Variants in PRR16 observed in about 807,000 individuals in gnomAD.
The protein encoded by PRR16 is protein Largen.
In PRR16, 6 loss-of-function variants were observed where a neutral mutation model predicts 18.2. That is an observed-to-expected ratio of 0.33 (90% CI 0.18 to 0.65). PRR16 has a LOEUF of 0.65. Among genes scored for constraint, PRR16 ranks in the 30% least tolerant of loss-of-function variants. The pLI is 0.74. For synonymous variants in PRR16, 151 were observed against 147.8 expected, an observed-to-expected ratio of 1.02 and a Z score of -0.16; for missense variants, 412 against 376.6, an observed-to-expected ratio of 1.09 and a Z score of -0.78.
chr5:120,731,258 C>G, the PRR16 span, among the ~76,000 whole-genome samples: 1 of 152,058 alleles, frequency 6.6e-6, no homozygotes, highest in Non-Finnish European at 1.5e-5. Context: ...ATATGTAATT[C>G]TGGAATAGAG....
the PRR16 span, among the ~76,000 whole-genome samples, chr5:120,747,078 G>A: frequency 9.2e-5 from 14 of 152,286 alleles, no homozygotes; most frequent in Admixed American, 4.6e-4. Flanking sequence ...CGCTGTTGAA[G>A]AGAAAGTTCA....
intron 1 of PRR16, among the ~76,000 whole-genome samples, chr5:120,531,283 T>C (rs1473100709): frequency 1.3e-5 from 2 of 152,126 alleles, no homozygotes; most frequent in Admixed American, 1.3e-4. Context: ...GGTGGTAGTT[T>C]GATGGCAAAT....
chr5:120,674,781 T>G (rs1468768523), intron 1 of PRR16, among the ~76,000 whole-genome samples: 2 of 152,006 alleles, frequency 1.3e-5, no homozygotes, highest in African/African-American at 4.8e-5. Context: ...AATATTGATC[T>G]TTTTGCTCTA....
Position 120,510,043 on chromosome 5 carries a change from A to G in PRR16, c.159+45398A>G, listed in dbSNP as rs148319047. Reference sequence around the variant, plus strand: ...TTTACTAGCAAAAGAGGCTTTCAAAAAGAGCTAGTTTATGAAGAGTTAAAG... The same window carrying G: ...TTTACTAGCAAAAGAGGCTTTCAAAGAGAGCTAGTTTATGAAGAGTTAAAG... On this transcript the variant is annotated intron_variant, in intron 1 of 1. Coordinates refer to ENST00000407149, the MANE Select transcript of PRR16 (RefSeq NM_001300783.2). Among the ~76,000 whole-genome samples the G allele has an allele frequency of 2.6e-3, 398 of 152,270 alleles. 2 individuals are homozygous for G. The highest frequency in any genetic ancestry group is 9.1e-3 in the African/African-American group (380 of 41,560).
At chr5:120,790,573 T>C in the PRR16 span, 1 of 152,220 alleles carries the variant, frequency 6.6e-6, no homozygotes, top group African/African-American at 2.4e-5. Flanking sequence ...CTCAAAGCCA[T>C]ACTGAGATAA....
the PRR16 span, among the ~76,000 whole-genome samples, chr5:120,731,328 G>A: frequency 6.6e-6 from 1 of 152,160 alleles, no homozygotes; most frequent in East Asian, 1.9e-4. Flanking sequence ...AACTATAGGA[G>A]AAGCCTTGCA....
chr5:120,568,453 A>G (rs978839130), intron 1 of PRR16, among the ~76,000 whole-genome samples: 13 of 152,212 alleles, frequency 8.5e-5, no homozygotes, highest in African/African-American at 3.1e-4. Flanking sequence ...TCCTGAAAGA[A>G]AACAAAATAA....
intron 1 of PRR16, among the ~76,000 whole-genome samples, chr5:120,549,297 G>A (rs1157178): frequency 0.16 from 23,583 of 151,956 alleles, 2,759 homozygotes; most frequent in East Asian, 0.62. Context: ...ATGGCATATC[G>A]CCATGGTCTT....
chr5:120,715,125 C>A, the PRR16 span, among the ~76,000 whole-genome samples: 5 of 151,982 alleles, frequency 3.3e-5, no homozygotes, highest in African/African-American at 1.2e-4. Flanking sequence ...AAAGTCGTAG[C>A]CATAGCCAAG....
intron 1 of PRR16, among the ~76,000 whole-genome samples, chr5:120,596,866 A>T (rs1452679882): frequency 6.6e-6 from 1 of 151,760 alleles, no homozygotes; most frequent in Non-Finnish European, 1.5e-5. Context: ...GTGAAAAAAA[A>T]ATTATGCAAC....
chr5:120,653,765 G>A (rs549832759), intron 1 of PRR16, among the ~76,000 whole-genome samples: 1 of 151,886 alleles, frequency 6.6e-6, no homozygotes, highest in African/African-American at 2.4e-5. Flanking sequence ...GTCCCTGATG[G>A]GCAGCCCTCT....
intron 1 of PRR16, among the ~76,000 whole-genome samples, chr5:120,658,893 T>A (rs1756077968): frequency 6.6e-6 from 1 of 151,928 alleles, no homozygotes; most frequent in Non-Finnish European, 1.5e-5. Context: ...TTCCTTCTTT[T>A]TTTATTTCTT....
At chr5:120,568,543 A>T (rs1285681299) in intron 1 of PRR16, among the ~76,000 whole-genome samples, 4 of 152,234 alleles carry the variant, frequency 2.6e-5, no homozygotes, top group Non-Finnish European at 5.9e-5. Context: ...CCTCAATCTC[A>T]CCACTTTCTC....
the PRR16 span, among the ~76,000 whole-genome samples, chr5:120,702,181 A>T: frequency 6.6e-6 from 1 of 151,504 alleles, no homozygotes; most frequent in Non-Finnish European, 1.5e-5. Flanking sequence ...GTGCAGAGAT[A>T]AGAGGTTGGG....
intron 1 of PRR16, among the ~76,000 whole-genome samples, chr5:120,595,434 C>A (rs1379373568): frequency 1.2e-4 from 18 of 149,270 alleles, no homozygotes; most frequent in East Asian, 2.0e-4. Context: ...ATCAAAAAGT[C>A]AAAAAAAAAA....
the PRR16 span, among the ~76,000 whole-genome samples, chr5:120,713,529 A>G: frequency 1.3e-5 from 2 of 152,196 alleles, no homozygotes; most frequent in African/African-American, 4.8e-5. Context: ...TGTGGGAAAT[A>G]GAAATTGAAA....
the PRR16 span, among the ~76,000 whole-genome samples, chr5:120,792,727 C>T: frequency 1.3e-5 from 2 of 151,932 alleles, no homozygotes; most frequent in African/African-American, 4.8e-5. Context: ...TTATGCAGGT[C>T]ATTAGGAACA....
chr5:120,741,826 C>G, the PRR16 span, among the ~76,000 whole-genome samples: 33 of 152,268 alleles, frequency 2.2e-4, no homozygotes, highest in African/African-American at 7.7e-4. Flanking sequence ...GTCCCCAGCT[C>G]TTGACCTCAG....
the PRR16 span, among the ~76,000 whole-genome samples, chr5:120,718,682 G>A: frequency 6.6e-6 from 1 of 152,074 alleles, no homozygotes; most frequent in Non-Finnish European, 1.5e-5. Context: ...GTCCAGGAAA[G>A]CCATCACTCA....
Sources: gnomAD v4.1 joint callset for allele counts (sites outside exome capture counted in the v4.1 genomes callset) on GRCh38, gnomAD v4.1.1 for gene constraint, MANE v1.5 for transcripts, NCBI Gene and HGNC (gene_info 2026-07-23, HGNC 2026-07-21) for gene names.